The following SLC4A11 variants were observed in gnomAD, a reference collection of about 807,000 sequenced individuals.
SLC4A11 encodes solute carrier family 4 member 11, also known as bicarbonate transporter related protein 1.
Under a neutral mutation model 95.0 loss-of-function variants are expected in SLC4A11, and 74 were observed. That is an observed-to-expected ratio of 0.78 (90% CI 0.65 to 0.95). SLC4A11 has a LOEUF of 0.95. Among genes scored for constraint, SLC4A11 ranks in the 40% least tolerant of loss-of-function variants. The pLI is 0.00. For missense variants in SLC4A11, 1,081 were observed against 1,192.4 expected, an observed-to-expected ratio of 0.91 and a Z score of 1.38; for synonymous variants, 548 against 519.0, an observed-to-expected ratio of 1.06 and a Z score of -0.76.
rs535630688 is a variant in SLC4A11, at chr20:3,227,740, G to T, written c.*47C>A. On this transcript the variant is annotated 3_prime_UTR_variant, in exon 20 of 20. Transcript: ENST00000642402. Reference sequence around the variant, plus strand: ...CCCTCACAGCTCCAGAGCCAGCCTGGGAGGACGTGGAGGGCTGGCGAATGG... The same window carrying T: ...CCCTCACAGCTCCAGAGCCAGCCTGTGAGGACGTGGAGGGCTGGCGAATGG... 2 of 1,594,558 alleles carry T rather than the reference G, an allele frequency of 1.3e-6. No homozygotes were observed. The highest frequency in any genetic ancestry group is 8.6e-7 in the Non-Finnish European group (1 of 1,166,060).
chr20:3,237,616 C>T (rs776140751), intron 1 of SLC4A11, 28 bp from the exon 2 acceptor site: 2 of 1,614,102 alleles, frequency 1.2e-6, no homozygotes, highest in Non-Finnish European at 1.7e-6. Context: ...AGGTCACCAG[C>T]CCCATGGACC....
chr20:3,234,579 T>C lies in SLC4A11; in HGVS notation c.280A>G (p.Thr94Ala), dbSNP rs755478306. The stretch of plus-strand genomic sequence containing the variant: ...GACAGGCCATTCACCTTTCGGGAGG[T>C]GTGCAGGAGCACACAGCCACCGGAA... ...ATSGGCVLLHTSRKYLKLKNF... is the reference protein window; with the variant it reads ...ATSGGCVLLHASRKYLKLKNF... Residue 94 changes from threonine (T) to alanine (A), a missense_variant, in exon 4 of 20, where the codon ACC becomes GCC. Physicochemically the swap from Thr to Ala is moderately conservative, Grantham distance 58. Coordinates refer to ENST00000642402, the MANE Select transcript of SLC4A11 (RefSeq NM_001174089.2). This position sits in a 1 kb window ranked among gnomAD's most constrained non-coding sequence, Gnocchi z 5.8. 1.2e-6 allele frequency: 2 copies of C among 1,613,552 alleles called. No individual in the cohort carries two copies. Among genetic ancestry groups the C allele is most frequent in the Non-Finnish European group, 1.7e-6 (2 of 1,179,948 alleles).
chr20:3,228,311 G>T lies in SLC4A11; in HGVS notation c.2506C>A (p.Pro836Thr). 6.2e-7 allele frequency: 1 copy of T among 1,613,130 alleles called. No homozygotes were observed. Among genetic ancestry groups the T allele is most frequent in the Non-Finnish European group, 8.5e-7 (1 of 1,179,958 alleles). The change falls in exon 19 of 20, where the codon CCC becomes ACC. Residue 836 changes from proline to threonine, a missense_variant. Physicochemically the swap from Pro to Thr is conservative, Grantham distance 38 (BLOSUM62 -1). Transcript: ENST00000642402. ...AGGGGAAAGATCATCTTCATGTAGG[G>T]CAGGGAGCTCATGCCGAAGGCACAC... ...LLCAFGMSSL[P>T]YMKMIFPLIM...
upstream of SLC4A11, chr20:3,239,544 G>T (rs140676642): frequency 0.023 from 22,726 of 989,256 alleles, 238 homozygotes; most frequent in Middle Eastern, 0.031. Context: ...CGAGCTGTGC[G>T]ACTGAGGCAG....
rs1355985571 is a variant in SLC4A11, at chr20:3,229,418, A to G, written c.1777T>C (p.Ser593Pro). ...YLHPCVREILSDCALPIAVLA... is the reference protein window; with the variant it reads ...YLHPCVREILPDCALPIAVLA... Reference sequence around the variant, plus strand: ...ACCGCGATGGGCAGGGCGCAGTCGGACAGGATCTCTCGCACGCAGGGGTGC... The same window carrying G: ...ACCGCGATGGGCAGGGCGCAGTCGGGCAGGATCTCTCGCACGCAGGGGTGC... The change falls in exon 15 of 20, where the codon TCC becomes CCC. Residue 593 changes from serine to proline, a missense_variant. Physicochemically the swap from Ser to Pro is moderately conservative, Grantham distance 74. Transcript: ENST00000642402. 2 of 1,613,190 alleles carry G rather than the reference A, an allele frequency of 1.2e-6. No homozygotes were observed. The highest frequency in any genetic ancestry group is 1.7e-6 in the Non-Finnish European group (2 of 1,180,014).
chr20:3,228,956 T>C lies in SLC4A11; in HGVS notation c.2074A>G (p.Thr692Ala), dbSNP rs1180556979. The C allele has an allele frequency of 1.2e-6, 2 of 1,613,722 alleles. No homozygotes were observed. Among genetic ancestry groups the C allele is most frequent in the African/African-American group, 2.7e-5 (2 of 74,902 alleles). Residue 692 changes from threonine to alanine, a missense_variant, in exon 17 of 20, where the codon ACA (threonine) becomes GCA (alanine). Physicochemically the swap from Thr to Ala is moderately conservative, Grantham distance 58. Coordinates refer to ENST00000642402, the MANE Select transcript of SLC4A11 (RefSeq NM_001174089.2). The stretch of plus-strand genomic sequence containing the variant: ...GGCAGCCCAAACAGAGACAGCCCTG[T>C]GTTGATGATGGCGAGGAGCAGGAGG... The part of the protein sequence containing the change: ...WDLLLLAIIN[T>A]GLSLFGLPWI...
At chr20:3,236,891 G>C (rs2067998768) in intron 2 of SLC4A11, among the ~76,000 whole-genome samples, 1 of 152,118 alleles carries the variant, frequency 6.6e-6, no homozygotes, top group Non-Finnish European at 1.5e-5. Flanking sequence ...GTTCCTGGGG[G>C]GCTCCTGCAA....
chr20:3,232,872 T>TGG (rs1227327264), intron 7 of SLC4A11, among the ~76,000 whole-genome samples: 2 of 152,216 alleles, frequency 1.3e-5, no homozygotes, highest in African/African-American at 4.8e-5. Context: ...GTGGGCACCC[T>TGG]GCTGGGGGCC....
In SLC4A11 at chr20:3,230,803, A is replaced by G; in HGVS notation, c.1211T>C (p.Leu404Pro). Residue 404 changes from leucine (L) to proline (P), a missense_variant, in exon 11 of 20, where the codon CTC (leucine) becomes CCC (proline). This residue lies in a region of SLC4A11 where 767 missense variants were observed against 858.0 expected (regional missense o/e 0.89). Transcript: ENST00000642402. The part of the protein sequence containing the change: ...TIAGQSIGGL[L>P]YALFSGQPLV... ...TGGCTGCCCAGAGAAGAGCGCGTAG[A>G]GCAGGCCCCCGATGCTCTGCCCGGC... 3.7e-6 allele frequency: 6 copies of G among 1,613,308 alleles called. No individual in the cohort carries two copies. Among genetic ancestry groups the G allele is most frequent in the Non-Finnish European group, 5.1e-6 (6 of 1,179,978 alleles).
Position 3,231,340 on chromosome 20 carries a change from C to T in SLC4A11, c.938G>A (p.Arg313Lys). The T allele has an allele frequency of 5.6e-6, 9 of 1,613,956 alleles. No homozygotes were observed. Among genetic ancestry groups the T allele is most frequent in the Non-Finnish European group, 7.6e-6 (9 of 1,180,012 alleles). The change falls in exon 8 of 20, where the codon AGA (arginine) becomes AAA (lysine). Residue 313 changes from arginine to lysine, a missense_variant. Arg to Lys is a conservative substitution (Grantham distance 26). Transcript: ENST00000642402. The surrounding 1 kb of genome is among the most constrained non-coding windows in gnomAD (Gnocchi z 5.2). ...ERSTVSLPAH[R>K]HPEPPKCKDF... ...GCCTCTACCCTGTACCTCTGGGTGT[C>T]TGTGGGCAGGGAGGGAGACTGTGCT...
chr20:3,231,542 T>C lies in SLC4A11; in HGVS notation c.736A>G (p.Thr246Ala). 1.2e-6 allele frequency: 2 copies of C among 1,612,970 alleles called. No individual in the cohort carries two copies. The highest frequency in any genetic ancestry group is 1.7e-6 in the Non-Finnish European group (2 of 1,179,872). Residue 246 changes from threonine to alanine, a missense_variant, in exon 8 of 20, where the codon ACT becomes GCT. Coordinates refer to ENST00000642402, the MANE Select transcript of SLC4A11 (RefSeq NM_001174089.2). The surrounding 1 kb of genome is among the most constrained non-coding windows in gnomAD (Gnocchi z 5.2). The stretch of plus-strand genomic sequence containing the variant: ...CGCGCCACCTCCATCGCAGTCTTAG[T>C]GCTTTTCTAGGGGTGGAGGATGGGA... ...LVLAPPKMKSTKTAMEVARTF... is the reference protein window; with the variant it reads ...LVLAPPKMKSAKTAMEVARTF...
chr20:3,235,073 T>A (rs2067926415), intron 2 of SLC4A11, among the ~76,000 whole-genome samples, 179 bp from the exon 3 acceptor site: 2 of 152,238 alleles, frequency 1.3e-5, no homozygotes, highest in South Asian at 4.1e-4. Flanking sequence ...ACACAGGACA[T>A]GGCAGCTGCC....
At chr20:3,229,037 A>G (rs748272851) in intron 16 of SLC4A11, 26 bp from the exon 17 acceptor site, 5 of 1,606,214 alleles carry the variant, frequency 3.1e-6, no homozygotes, top group Admixed American at 1.7e-5. Flanking sequence ...ACTCGTGGAC[A>G]GAGCCCCACA....
Position 3,227,712 on chromosome 20 carries a change from C to T in SLC4A11, c.*75G>A. 1 of 1,505,130 alleles carries T rather than the reference C, an allele frequency of 6.6e-7. No individual in the cohort carries two copies. Among genetic ancestry groups the T allele is most frequent in the Non-Finnish European group, 9.2e-7 (1 of 1,092,808 alleles). The allele number at this position is 1,505,130 out of a possible 1,614,324, so 93.2% of individuals were successfully genotyped here. A position where few individuals can be genotyped will look rare whatever the true frequency, so the allele number is the denominator to read the frequency against. On this transcript the variant is annotated 3_prime_UTR_variant, in exon 20 of 20. Coordinates refer to ENST00000642402, the MANE Select transcript of SLC4A11 (RefSeq NM_001174089.2). ...AGAGCAGTCACCCACACACCTACAC[C>T]TCCCCTCACAGCTCCAGAGCCAGCC...
rs535831950 is a variant in SLC4A11 at position 3,236,096 on chromosome 20, C to T, written c.89-1202G>A. 3.3e-5 allele frequency among the ~76,000 whole-genome samples: 5 copies of T among 152,280 alleles called. No homozygotes were observed. In the East Asian group the frequency reaches 9.7e-4, roughly 29 times the overall value. ...GAAACAAGGATGGGTCAGCAGCACG[C>T]CTGCACCTGCCAGGGAGTGACTCAC... On this transcript the variant is annotated intron_variant, in intron 2 of 19. Coordinates refer to ENST00000642402, the MANE Select transcript of SLC4A11 (RefSeq NM_001174089.2).
chr20:3,233,702 G>A, intron 6 of SLC4A11, 65 bp from the exon 7 acceptor site: 1 of 1,601,710 alleles, frequency 6.2e-7, no homozygotes, highest in Admixed American at 1.7e-5. Context: ...CCCCGACCCA[G>A]AACCCCCTCG....
intron 1 of SLC4A11, chr20:3,238,309 G>A: frequency 8.1e-7 from 1 of 1,241,908 alleles, no homozygotes; most frequent in Non-Finnish European, 1.0e-6. Flanking sequence ...GAGGAAGGAA[G>A]CGACAGGAGG....
rs73081024 is a variant in SLC4A11 at position 3,230,011 on chromosome 20, C to T, written c.1489+176G>A. ...TCCCACCTGGGGCGGCCCCGTCACCCTCCAGCGTGGAGGGCTCTGCCCTCT... is the reference window on the plus strand; with the variant it reads ...TCCCACCTGGGGCGGCCCCGTCACCTTCCAGCGTGGAGGGCTCTGCCCTCT... On this transcript the variant is annotated intron_variant, in intron 13 of 19. Coordinates refer to ENST00000642402, the MANE Select transcript of SLC4A11 (RefSeq NM_001174089.2). Among the ~76,000 whole-genome samples the T allele has an allele frequency of 0.13, 19,184 of 152,260 alleles. 1,297 individuals are homozygous for T. Among genetic ancestry groups the T allele is most frequent in the African/African-American group, 0.15 (6,406 of 41,554 alleles).
At chr20:3,238,448 G>A in intron 1 of SLC4A11, 1 of 1,028,602 alleles carries the variant, frequency 9.7e-7, no homozygotes, top group Non-Finnish European at 1.2e-6. Context: ...GCGCTGGGGC[G>A]CGTCCCAGGC....
Sources: allele counts gnomAD v4.1 joint callset (sites outside exome capture counted in the v4.1 genomes callset), GRCh38; gene constraint gnomAD v4.1.1; regional missense constraint gnomAD v4.1.1; non-coding constraint Gnocchi (gnomAD v3.1); transcripts MANE v1.5; gene names NCBI Gene and HGNC (gene_info 2026-07-23, HGNC 2026-07-21).